The following ZNF714 variants were observed in gnomAD, a reference collection of about 807,000 sequenced individuals.
ZNF714 encodes zinc finger protein 714.
Under a neutral mutation model 46.2 loss-of-function variants are expected in ZNF714, and 32 were observed. The observed-to-expected ratio is 0.69, with a 90% confidence interval of 0.52 to 0.93. ZNF714 has a LOEUF of 0.93. ZNF714 is among the 40% of genes least tolerant of loss of function. The pLI is 0.00. For missense variants in ZNF714, 635 were observed against 646.3 expected (o/e 0.98, Z 0.19); for synonymous variants, 199 against 213.1 (o/e 0.93, Z 0.58).
At chr19:21,101,223 A>G (rs920131966) in intron 4 of ZNF714, among the ~76,000 whole-genome samples, 1 of 152,144 alleles carries the variant, frequency 6.6e-6, no homozygotes, top group Non-Finnish European at 1.5e-5. Context: ...TGTGAATTTG[A>G]AGGAGCAAAC....
At position 21,122,880 on chromosome 19, in the gene ZNF714, TGTG is replaced by T. The variant is rs766091048; in HGVS notation, c.*4553_*4555del. ...TTAGTTAATTAAGATAAAAGCCAGG[TGTG>T]GTGGCTCACGCCTCTAATCCCAGCA... On this transcript the variant is annotated 3_prime_UTR_variant, in exon 5 of 5. Transcript: ENST00000456283. 2 of 152,058 alleles carry T rather than the reference TGTG, an allele frequency of 1.3e-5. No individual in the cohort carries two copies. The highest frequency in any genetic ancestry group is 2.4e-5 in the African/African-American group (1 of 41,418). The allele number at this position is 152,058 out of a possible 1,614,324, so 9.4% of individuals were successfully genotyped here.
chr19:21,093,364 C>T (rs1260328472), intron 2 of ZNF714, among the ~76,000 whole-genome samples: 1 of 152,054 alleles, frequency 6.6e-6, no homozygotes, highest in African/African-American at 2.4e-5. Flanking sequence ...TCCCGAGTAG[C>T]TGGGATTACA....
At chr19:21,097,965 G>A (rs902434973) in intron 2 of ZNF714, among the ~76,000 whole-genome samples, 1 of 152,156 alleles carries the variant, frequency 6.6e-6, no homozygotes, top group Non-Finnish European at 1.5e-5. Flanking sequence ...ATCCAGAAAA[G>A]TATTATATAT....
At chr19:21,102,374 A>C (rs1969202271) in intron 4 of ZNF714, among the ~76,000 whole-genome samples, 1 of 152,190 alleles carries the variant, frequency 6.6e-6, no homozygotes. Context: ...GCTGCAGGTA[A>C]AAAGGAATTA....
At chr19:21,096,106 A>G (rs542372105) in intron 2 of ZNF714, among the ~76,000 whole-genome samples, 1 of 152,172 alleles carries the variant, frequency 6.6e-6, no homozygotes, top group African/African-American at 2.4e-5. Context: ...ATATTTTCAT[A>G]TTTTCATTAC....
At chr19:21,114,081 C>G (rs1197380339) in intron 4 of ZNF714, among the ~76,000 whole-genome samples, 1 of 151,948 alleles carries the variant, frequency 6.6e-6, no homozygotes, top group Non-Finnish European at 1.5e-5. Context: ...ATCTCTTTAC[C>G]ATTATGTAAC....
At chr19:21,113,933 T>G (rs1357929016) in intron 4 of ZNF714, among the ~76,000 whole-genome samples, 2 of 152,170 alleles carry the variant, frequency 1.3e-5, no homozygotes, top group African/African-American at 4.8e-5. Context: ...GTTCAAGCCT[T>G]GTTACTTTTC....
intron 2 of ZNF714, among the ~76,000 whole-genome samples, chr19:21,095,864 AT>A (rs1969025639): frequency 6.6e-6 from 1 of 152,092 alleles, no homozygotes; most frequent in African/African-American, 2.4e-5. Flanking sequence ...AAGAGGTCCC[AT>A]TTGTCAATTT....
chr19:21,083,894 TG>T, intron 1 of ZNF714, 83 bp from the exon 2 acceptor site: 1 of 672,212 alleles, frequency 1.5e-6, no homozygotes, highest in Non-Finnish European at 2.1e-6. Context: ...CAGTACTGTC[TG>T]GGGATCAACC....
At chr19:21,098,948 A>G (rs1416667944) in intron 4 of ZNF714, 38 bp downstream of exon 4, 2 of 941,178 alleles carry the variant, frequency 2.1e-6, no homozygotes, top group South Asian at 1.8e-5. Flanking sequence ...CACAGATGAG[A>G]GGTACAAAGG....
At chr19:21,111,920 A>G (rs532312283) in intron 4 of ZNF714, among the ~76,000 whole-genome samples, 5 of 152,364 alleles carry the variant, frequency 3.3e-5, no homozygotes, top group African/African-American at 1.2e-4. Flanking sequence ...CTTGCATCCC[A>G]GGAATAAAGC....
chr19:21,113,652 A>G (rs1178092963), intron 4 of ZNF714, among the ~76,000 whole-genome samples: 2 of 151,808 alleles, frequency 1.3e-5, no homozygotes, highest in Admixed American at 6.6e-5. Flanking sequence ...GATTACAGGC[A>G]CATACTGCCA....
Position 21,119,823 on chromosome 19 carries a change from A to G in ZNF714, c.*1491A>G, listed in dbSNP as rs1599557759. On this transcript the variant is annotated 3_prime_UTR_variant, in exon 5 of 5. Coordinates refer to ENST00000456283, the MANE Select transcript of ZNF714 (RefSeq NM_182515.4). ...GAAAATTAAAGTTGGTAGAAAAATTATTTGTATATAACTTTAAGAGGATCA... is the reference window on the plus strand; with the variant it reads ...GAAAATTAAAGTTGGTAGAAAAATTGTTTGTATATAACTTTAAGAGGATCA... The G allele has an allele frequency of 1.3e-5, 2 of 152,230 alleles. No homozygotes were observed. The highest frequency in any genetic ancestry group is 2.9e-5 in the Non-Finnish European group (2 of 68,038). The allele number at this position is 152,230 out of a possible 1,614,324, so 9.4% of individuals were successfully genotyped here. A position where few individuals can be genotyped will look rare whatever the true frequency, so the allele number is the denominator to read the frequency against.
Position 21,122,456 on chromosome 19 carries a change from A to T in ZNF714, c.*4124A>T, listed in dbSNP as rs780413570. 11 of 152,180 alleles carry T rather than the reference A, an allele frequency of 7.2e-5. No individual in the cohort carries two copies. The highest frequency in any genetic ancestry group is 1.3e-4 in the Non-Finnish European group (9 of 68,036). 9.4% of individuals were successfully genotyped at this position (152,180 alleles called of 1,614,324 possible). ...AACCCGGTCTCTACTAATAAACTACAAAAATTAGCTGATTGTGGTGGCATC... is the reference window on the plus strand; with the variant it reads ...AACCCGGTCTCTACTAATAAACTACTAAAATTAGCTGATTGTGGTGGCATC... On this transcript the variant is annotated 3_prime_UTR_variant, in exon 5 of 5. Coordinates refer to ENST00000456283, the MANE Select transcript of ZNF714 (RefSeq NM_182515.4).
In ZNF714 at chr19:21,117,018, A is replaced by G. The variant is rs1301095334; in HGVS notation, c.354A>G (p.Pro118=). 1 of 1,613,400 alleles carries G rather than the reference A, an allele frequency of 6.2e-7. No homozygotes were observed. Among genetic ancestry groups the G allele is most frequent in the South Asian group, 1.1e-5 (1 of 91,034 alleles). ...CLTTTQSKIF[P]CDKYIKVFHK... is the part of the protein sequence containing the mutation. ...CAACTACCCAGAGCAAAATATTTCC[A>G]TGTGATAAATATATAAAAGTCTTTC... Residue 118 remains proline, a synonymous_variant, in exon 5 of 5, where the codon CCA becomes CCG. Transcript: ENST00000456283.
chr19:21,111,226 T>C (rs1304651338), intron 4 of ZNF714, among the ~76,000 whole-genome samples: 2 of 152,010 alleles, frequency 1.3e-5, no homozygotes, highest in African/African-American at 2.4e-5. Context: ...TTTTTGTTTG[T>C]GTCCTCTCTG....
At chr19:21,085,879 T>C (rs369396589) in intron 2 of ZNF714, among the ~76,000 whole-genome samples, 7 of 49,960 alleles carry the variant, frequency 1.4e-4, no homozygotes, top group African/African-American at 2.6e-4. Context: ...GTTAGGTTTA[T>C]GTAAAAAAAA....
Position 21,084,034 on chromosome 19 carries a change from G to C in ZNF714, c.-120G>C. The stretch of plus-strand genomic sequence containing the variant: ...AGGGAGCAAGTGGATCCCTGGGGCA[G>C]AGAGGAAGCTTCTAGTGTACTCTTA... On this transcript the variant is annotated 5_prime_UTR_variant, in exon 2 of 5. Coordinates refer to ENST00000456283, the MANE Select transcript of ZNF714 (RefSeq NM_182515.4). The C allele has an allele frequency of 8.1e-7, 1 of 1,236,984 alleles. No individual in the cohort carries two copies. The highest frequency in any genetic ancestry group is 2.3e-4 in the Middle Eastern group (1 of 4,296). 76.6% of individuals were successfully genotyped at this position (1,236,984 alleles called of 1,614,324 possible).
Position 21,123,040 on chromosome 19 carries a change from G to A in ZNF714, c.*4708G>A, listed in dbSNP as rs1969732039. 3.3e-5 allele frequency: 5 copies of A among 150,864 alleles called. No homozygotes were observed. 9.3% of individuals were successfully genotyped at this position (150,864 alleles called of 1,614,324 possible). Reference sequence around the variant, plus strand: ...GTTGTGGCGCATGCCTGTAATCCCAGCTACTCGGGAGGCTGATGCAGGAGA... The same window carrying A: ...GTTGTGGCGCATGCCTGTAATCCCAACTACTCGGGAGGCTGATGCAGGAGA... On this transcript the variant is annotated 3_prime_UTR_variant, in exon 5 of 5. Coordinates refer to ENST00000456283, the MANE Select transcript of ZNF714 (RefSeq NM_182515.4).
Sources: allele counts gnomAD v4.1 joint callset (sites outside exome capture counted in the v4.1 genomes callset), GRCh38; gene constraint gnomAD v4.1.1; transcripts MANE v1.5; gene names NCBI Gene and HGNC (gene_info 2026-07-23, HGNC 2026-07-21).